Variants in PRR5L observed in about 807,000 individuals in gnomAD.
PRR5L encodes proline-rich protein 5-like.
Under a neutral mutation model 36.4 loss-of-function variants are expected in PRR5L, and 21 were observed. The ratio of observed to expected loss-of-function variants is 0.58; its 90% confidence interval spans 0.41 to 0.83. The LOEUF (loss-of-function observed/expected upper bound fraction) is 0.83, where lower values mean the gene tolerates loss of function less well. Among genes scored for constraint, PRR5L ranks in the 40% least tolerant of loss-of-function variants. PRR5L has a pLI of 0.00. For synonymous variants in PRR5L, 188 were observed against 197.0 expected (o/e 0.95, Z 0.38); for missense variants, 381 against 473.3 (o/e 0.80, Z 1.81).
intron 1 of PRR5L, among the ~76,000 whole-genome samples, chr11:36,374,901 T>A (rs1857238001): frequency 1.3e-5 from 2 of 152,150 alleles, no homozygotes; most frequent in Admixed American, 1.3e-4. Flanking sequence ...TCTTAATCCC[T>A]TAGACGAGCC....
intron 1 of PRR5L, among the ~76,000 whole-genome samples, chr11:36,366,183 G>A (rs1186448643): frequency 6.6e-6 from 1 of 152,140 alleles, no homozygotes; most frequent in African/African-American, 2.4e-5. Context: ...GGGACCTTGG[G>A]AAATGACTAA....
At chr11:36,412,023 T>C (rs906340193) in intron 3 of PRR5L, among the ~76,000 whole-genome samples, 16 of 152,236 alleles carry the variant, frequency 1.1e-4, no homozygotes, top group African/African-American at 3.9e-4. Context: ...TAACCCATTT[T>C]ACTTGTGCAG....
chr11:36,345,261 A>T (rs948440584), intron 1 of PRR5L, among the ~76,000 whole-genome samples: 3 of 152,180 alleles, frequency 2.0e-5, no homozygotes, highest in Non-Finnish European at 4.4e-5. Flanking sequence ...CCTTTGGAAC[A>T]GCAGGCACAA....
At chr11:36,318,297 C>A (rs1565383628) in intron 1 of PRR5L, among the ~76,000 whole-genome samples, 2 of 152,146 alleles carry the variant, frequency 1.3e-5, no homozygotes, top group African/African-American at 4.8e-5. Flanking sequence ...GACTAGGGTT[C>A]TATTTACCTA....
intron 6 of PRR5L, among the ~76,000 whole-genome samples, chr11:36,437,979 T>C (rs934970848): frequency 1.3e-5 from 2 of 152,232 alleles, no homozygotes; most frequent in African/African-American, 4.8e-5. Flanking sequence ...TAGGAATCTG[T>C]AGACTTAGAT....
intron 1 of PRR5L, among the ~76,000 whole-genome samples, chr11:36,382,646 T>A (rs1046828820): frequency 1.3e-5 from 2 of 152,166 alleles, no homozygotes; most frequent in Admixed American, 6.5e-5. Flanking sequence ...CTATTGATGG[T>A]TTTGGCGGAT....
At chr11:36,304,776 G>GT (rs1322834324) in intron 1 of PRR5L, among the ~76,000 whole-genome samples, 1 of 152,090 alleles carries the variant, frequency 6.6e-6, no homozygotes, top group African/African-American at 2.4e-5. Context: ...GAAAGTCATG[G>GT]TAATAATCTC....
chr11:36,360,039 A>T (rs1191897611), intron 1 of PRR5L, among the ~76,000 whole-genome samples: 2 of 87,140 alleles, frequency 2.3e-5, no homozygotes, highest in Non-Finnish European at 4.7e-5. Context: ...TCTGTCACAC[A>T]CACACACACA....
In PRR5L at chr11:36,462,709, G is replaced by A. The variant is rs766919713; in HGVS notation, c.1080G>A (p.Ser360=). ...GGGCCAGGGGCAGCCAGGAGGGCTC[G>A]GAGCTGAACTGTGCTTCCCTCAGCT... ...EEGARGSQEG[S]ELNCASLS The change falls in exon 9 of 9, where the codon TCG becomes TCA. Residue 360 remains serine, a synonymous_variant. Coordinates refer to ENST00000530639, the MANE Select transcript of PRR5L (RefSeq NM_001160167.2). 18 of 1,582,144 alleles carry A rather than the reference G, an allele frequency of 1.1e-5. No homozygotes were observed. Among genetic ancestry groups the A allele is most frequent in the African/African-American group, 4.0e-5 (3 of 74,350 alleles).
rs150751053 is a variant in PRR5L at position 36,422,605 on chromosome 11, A to AT, written c.294+3305dup. Among the ~76,000 whole-genome samples the AT allele has an allele frequency of 5.0e-3, 759 of 152,268 alleles. 14 individuals carry two copies. The highest frequency in any genetic ancestry group is 0.043 in the East Asian group (222 of 5,166). On this transcript the variant is annotated intron_variant, in intron 4 of 8. Coordinates refer to ENST00000530639, the MANE Select transcript of PRR5L (RefSeq NM_001160167.2). ...TCTGCTTTTGAAAGCGAACATTCTC[A>AT]TTTACATTCTGTGAGTCTTAACACA...
chr11:36,407,230 C>T (rs1296735990), intron 3 of PRR5L, among the ~76,000 whole-genome samples: 2 of 152,184 alleles, frequency 1.3e-5, no homozygotes, highest in Non-Finnish European at 2.9e-5. Flanking sequence ...ATGCTCCCAC[C>T]TGTAATCCCA....
rs114946768 is a variant in PRR5L, at chr11:36,368,770, C to T, written c.-125-32227C>T. ...TACCATCCTTCCCAGTACTTTTGTT[C>T]TGTTTTGTTTTGGAAAATATAGTTA... On this transcript the variant is annotated intron_variant, in intron 1 of 8. Transcript: ENST00000530639. 4.8e-3 allele frequency among the ~76,000 whole-genome samples: 725 copies of T among 152,206 alleles called. 6 individuals are homozygous for T. The highest frequency in any genetic ancestry group is 0.016 in the African/African-American group (682 of 41,540).
intron 1 of PRR5L, among the ~76,000 whole-genome samples, chr11:36,382,006 A>G (rs929553122): frequency 3.9e-5 from 6 of 151,934 alleles, no homozygotes; most frequent in African/African-American, 1.2e-4. Flanking sequence ...AAAATACAAA[A>G]AATGAGCCGG....
chr11:36,418,221 C>T lies in PRR5L; in HGVS notation c.246-1034C>T, dbSNP rs570345011. On this transcript the variant is annotated intron_variant, in intron 3 of 8. Coordinates refer to ENST00000530639, the MANE Select transcript of PRR5L (RefSeq NM_001160167.2). ...CATAAAGAGCTGCTCAATACATCTT[C>T]GTTGCTGGATAAATAAAATCTCTCT... is the stretch of plus-strand genomic sequence containing the variant. Among the ~76,000 whole-genome samples the T allele has an allele frequency of 1.1e-3, 169 of 152,298 alleles. 1 individual carries two copies. The highest frequency in any genetic ancestry group is 9.9e-3 in the South Asian group (48 of 4,826).
intron 1 of PRR5L, among the ~76,000 whole-genome samples, chr11:36,305,019 A>G (rs1410341829): frequency 6.6e-6 from 1 of 152,208 alleles, no homozygotes; most frequent in Non-Finnish European, 1.5e-5. Flanking sequence ...AATTCCACTC[A>G]TAGGTATATA....
intron 1 of PRR5L, among the ~76,000 whole-genome samples, chr11:36,370,522 C>T (rs1488563091): frequency 6.6e-6 from 1 of 152,104 alleles, no homozygotes; most frequent in Non-Finnish European, 1.5e-5. Context: ...AATAAGTGGC[C>T]AGCCAGTATT....
chr11:36,358,532 G>C (rs1286055383), intron 1 of PRR5L, among the ~76,000 whole-genome samples: 1 of 152,206 alleles, frequency 6.6e-6, no homozygotes, highest in Non-Finnish European at 1.5e-5. Flanking sequence ...ACTTTTAATA[G>C]ACTACGGTAT....
rs2133643070 is a variant in PRR5L, at chr11:36,462,884, G to A, written c.*148G>A. 1.4e-6 allele frequency: 1 copy of A among 718,934 alleles called. No homozygotes were observed. Among genetic ancestry groups the A allele is most frequent in the African/African-American group, 1.8e-5 (1 of 55,558 alleles). 44.5% of individuals were successfully genotyped at this position (718,934 alleles called of 1,614,324 possible). A position where few individuals can be genotyped will look rare whatever the true frequency, so the allele number is the denominator to read the frequency against. On this transcript the variant is annotated 3_prime_UTR_variant, in exon 9 of 9. Coordinates refer to ENST00000530639, the MANE Select transcript of PRR5L (RefSeq NM_001160167.2). ...TGTCCTGGTCAAAATGACCTAAGGG[G>A]AAACCGTTGTTGTAAACCTCTTTAT... is the stretch of plus-strand genomic sequence containing the variant.
At chr11:36,317,471 C>G (rs904361406) in intron 1 of PRR5L, among the ~76,000 whole-genome samples, 1 of 152,184 alleles carries the variant, frequency 6.6e-6, no homozygotes, top group African/African-American at 2.4e-5. Context: ...ATTTTATGGA[C>G]AATTTAAGGA....
Sources: gnomAD v4.1 joint callset for allele counts (sites outside exome capture counted in the v4.1 genomes callset) on GRCh38, gnomAD v4.1.1 for gene constraint, MANE v1.5 for transcripts, NCBI Gene and HGNC (gene_info 2026-07-23, HGNC 2026-07-21) for gene names.